The following ANK1 variants were observed in gnomAD, a reference collection of about 807,000 sequenced individuals.
ANK1 encodes ankyrin-1.
In ANK1, 51 loss-of-function variants were observed where a neutral mutation model predicts 210.4. That is an observed-to-expected ratio of 0.24 (90% confidence interval 0.19 to 0.31). ANK1 has a LOEUF of 0.31. Ranked by LOEUF, ANK1 falls within the 10% of genes least tolerant of loss-of-function variation. ANK1 has a pLI of 1.00. For missense variants in ANK1, 2,051 were observed against 2,504.4 expected, an observed-to-expected ratio of 0.82 and a Z score of 3.86; for synonymous variants, 967 against 1,025.9, an observed-to-expected ratio of 0.94 and a Z score of 1.10.
chr8:41,775,802 G>T (rs13259410), intron 1 of ANK1, among the ~76,000 whole-genome samples: 1 of 151,926 alleles, frequency 6.6e-6, no homozygotes, highest in Non-Finnish European at 1.5e-5. Context: ...TGGGAGAATC[G>T]CTTGAGGCCA....
At chr8:41,820,708 C>T (rs1185698801) in intron 1 of ANK1, among the ~76,000 whole-genome samples, 2 of 152,074 alleles carry the variant, frequency 1.3e-5, no homozygotes, top group Non-Finnish European at 2.9e-5. Flanking sequence ...GGTCCTTTGG[C>T]TGGGATAGGA....
chr8:41,875,743 C>T (rs1475135335), intron 1 of ANK1, among the ~76,000 whole-genome samples: 1 of 152,178 alleles, frequency 6.6e-6, no homozygotes, highest in East Asian at 1.9e-4. Context: ...AGGACAAACT[C>T]CCACTTAACA....
chr8:41,864,542 G>A (rs979148457), intron 1 of ANK1, among the ~76,000 whole-genome samples: 4 of 152,064 alleles, frequency 2.6e-5, no homozygotes, highest in African/African-American at 9.7e-5. Context: ...AACTGATAGC[G>A]CAGAATTTAC....
At position 41,696,783 on chromosome 8, in the gene ANK1, G is replaced by C; in HGVS notation, c.2638-10C>G. 1 of 1,597,076 alleles carries C rather than the reference G, an allele frequency of 6.3e-7. No individual in the cohort carries two copies. The highest frequency in any genetic ancestry group is 8.5e-7 in the Non-Finnish European group (1 of 1,177,866). ...CATACTCTTTAGATGCCTGAGGAGA[G>C]AGAAAGGGTCCTCCTGTCCCACCTC... On this transcript the variant is annotated splice_polypyrimidine_tract_variant and intron_variant, in intron 24 of 42. Coordinates refer to ENST00000289734, the MANE Select transcript of ANK1 (RefSeq NM_000037.4).
intron 1 of ANK1, among the ~76,000 whole-genome samples, chr8:41,812,482 T>G (rs1373521468): frequency 1.3e-5 from 2 of 152,252 alleles, no homozygotes; most frequent in Non-Finnish European, 2.9e-5. Flanking sequence ...AAGGCTGTCC[T>G]GCTATGCAGA....
chr8:41,758,983 G>A (rs34034830), intron 1 of ANK1, among the ~76,000 whole-genome samples: 15,575 of 151,930 alleles, frequency 0.1, 934 homozygotes, highest in South Asian at 0.15. Flanking sequence ...CTCCTGCCCC[G>A]GCCTCTGAAA....
At chr8:41,736,828 G>A (rs970294148) in intron 2 of ANK1, among the ~76,000 whole-genome samples, 5 of 152,206 alleles carry the variant, frequency 3.3e-5, no homozygotes, top group Non-Finnish European at 5.9e-5. Flanking sequence ...TGCAGGACTC[G>A]AAAGGGATAT....
chr8:41,701,500 C>T (rs750010697), intron 22 of ANK1, 50 bp downstream of exon 22: 2 of 1,581,594 alleles, frequency 1.3e-6, no homozygotes. Flanking sequence ...TTGGAGGGTG[C>T]CCGGAGCCCC....
chr8:41,787,509 G>T (rs1846666919), intron 1 of ANK1, among the ~76,000 whole-genome samples: 1 of 152,150 alleles, frequency 6.6e-6, no homozygotes, highest in South Asian at 2.1e-4. Context: ...AAAACGTGTG[G>T]TATCATATGA....
intron 1 of ANK1, among the ~76,000 whole-genome samples, chr8:41,771,315 G>C (rs1842914302): frequency 6.6e-6 from 1 of 151,792 alleles, no homozygotes; most frequent in African/African-American, 2.4e-5. Flanking sequence ...GTACGACTTG[G>C]AAGGGTCTCT....
At chr8:41,687,964 A>G (rs1384562577) in intron 35 of ANK1, among the ~76,000 whole-genome samples, 192 bp downstream of exon 35, 1 of 152,230 alleles carries the variant, frequency 6.6e-6, no homozygotes, top group African/African-American at 2.4e-5. Flanking sequence ...ACAGAGATGG[A>G]GGCAGGGGGC....
intron 2 of ANK1, among the ~76,000 whole-genome samples, chr8:41,734,761 G>C (rs572468344): frequency 2.6e-5 from 4 of 152,100 alleles, no homozygotes; most frequent in African/African-American, 9.6e-5. Context: ...GAAGTAGACA[G>C]GTGTGGTAGT....
At chr8:41,730,641 T>C (rs1831962050) in intron 3 of ANK1, among the ~76,000 whole-genome samples, 1 of 152,210 alleles carries the variant, frequency 6.6e-6, no homozygotes, top group Non-Finnish European at 1.5e-5. Context: ...TGGAAGCTCA[T>C]TAATAATTTT....
chr8:41,719,933 C>T (rs766119917), intron 9 of ANK1, 75 bp from the exon 10 acceptor site: 140 of 1,509,274 alleles, frequency 9.3e-5, no homozygotes, highest in Non-Finnish European at 1.0e-4. Context: ...ACGATTCCAA[C>T]GTCACTCCCT....
intron 1 of ANK1, among the ~76,000 whole-genome samples, chr8:41,840,693 C>G (rs909885649): frequency 1.3e-5 from 2 of 152,220 alleles, no homozygotes; most frequent in African/African-American, 4.8e-5. Context: ...GCTCAATTAC[C>G]TCCCAAAGGT....
rs1237450649 is a variant in ANK1 at position 41,701,560 on chromosome 8, C to T, written c.2451G>A (p.Ser817=). The change falls in exon 22 of 43, where the codon TCG becomes TCA. Residue 817 remains serine, a synonymous_variant. Coordinates refer to ENST00000289734, the MANE Select transcript of ANK1 (RefSeq NM_000037.4). ...TTACCCCAACGTTACCTTCATCTTC[C>T]GAGACATCCAGGATCTCATCAACTG... The part of the protein sequence containing the change: ...PETVDEILDV[S]EDEGEELISF... The T allele has an allele frequency of 6.2e-7, 1 of 1,614,016 alleles. No individual in the cohort carries two copies. The highest frequency in any genetic ancestry group is 8.5e-7 in the Non-Finnish European group (1 of 1,180,014).
At chr8:41,856,776 AT>A (rs1410191471) in intron 1 of ANK1, among the ~76,000 whole-genome samples, 1 of 152,086 alleles carries the variant, frequency 6.6e-6, no homozygotes, top group Non-Finnish European at 1.5e-5. Flanking sequence ...CAAAAAAAAA[AT>A]TGAAATCCAA....
At chr8:41,661,407 G>T (rs770306772) in intron 42 of ANK1, 23 bp downstream of exon 42, 40 of 1,613,146 alleles carry the variant, frequency 2.5e-5, no homozygotes, top group Non-Finnish European at 3.2e-5. Context: ...GCCATGCAGA[G>T]GGGATGAGAA....
chr8:41,803,047 GAAA>G (rs1196703296), intron 1 of ANK1, among the ~76,000 whole-genome samples: 8 of 74,834 alleles, frequency 1.1e-4, no homozygotes, highest in African/African-American at 1.8e-4. Context: ...GAAAGAGAAA[GAAA>G]GAAAGAGAGA....
Sources: allele counts gnomAD v4.1 joint callset (sites outside exome capture counted in the v4.1 genomes callset), GRCh38; gene constraint gnomAD v4.1.1; transcripts MANE v1.5; gene names NCBI Gene and HGNC (gene_info 2026-07-23, HGNC 2026-07-21).